MACROD2: variants seen among roughly 807,000 people sequenced by gnomAD.
The protein encoded by MACROD2 is ADP-ribose glycohydrolase MACROD2.
Under a neutral mutation model 70.4 loss-of-function variants are expected in MACROD2, and 36 were observed. The observed-to-expected ratio is 0.51, with a 90% CI of 0.39 to 0.68. The LOEUF (loss-of-function observed/expected upper bound fraction) is 0.68. Ranked by LOEUF, MACROD2 falls within the 30% of genes least tolerant of loss-of-function variation. The probability of loss-of-function intolerance (pLI) is 0.00; values close to 1 mark genes in which losing one functional copy is unlikely to be tolerated. For synonymous variants in MACROD2, 172 were observed against 178.8 expected (o/e 0.96, Z 0.30); for missense variants, 496 against 538.4 (o/e 0.92, Z 0.78).
At chr20:14,598,120 A>C (rs1252993450) in intron 4 of MACROD2, among the ~76,000 whole-genome samples, 5 of 152,136 alleles carry the variant, frequency 3.3e-5, no homozygotes, top group Non-Finnish European at 5.9e-5. Flanking sequence ...AAACATATGG[A>C]CATTCCCAGA....
Position 14,575,017 on chromosome 20 carries a change from C to CAAAAAAAAAAAAAAAAAAAAAAAAA in MACROD2, c.301+81510_301+81534dup, listed in dbSNP as rs1195216470. 1.6e-4 allele frequency among the ~76,000 whole-genome samples: 8 copies of CAAAAAAAAAAAAAAAAAAAAAAAAA among 49,944 alleles called. 1 individual carries two copies. Among genetic ancestry groups the CAAAAAAAAAAAAAAAAAAAAAAAAA allele is most frequent in the African/African-American group, 4.4e-4 (6 of 13,750 alleles). 32.8% of individuals were successfully genotyped at this position (49,944 alleles called of 152,430 possible). ...TGGGCGACAGAGCGAGACTCTGTCT[C>CAAAAAAAAAAAAAAAAAAAAAAAAA]AAAAAAAAAAAAAAAAAAAAAAAAA... On this transcript the variant is annotated intron_variant, in intron 4 of 17. Transcript: ENST00000684519.
intron 5 of MACROD2, among the ~76,000 whole-genome samples, chr20:15,197,591 C>A (rs1486424459): frequency 2.0e-5 from 3 of 152,222 alleles, no homozygotes; most frequent in Non-Finnish European, 2.9e-5. Flanking sequence ...TAATGCTTAT[C>A]ACTTTTTTTA....
At chr20:15,363,114 G>A (rs915936499) in intron 6 of MACROD2, among the ~76,000 whole-genome samples, 26 of 152,248 alleles carry the variant, frequency 1.7e-4, no homozygotes, top group African/African-American at 4.3e-4. Flanking sequence ...TTATTCCTTC[G>A]TTTGTTTGTT....
At chr20:15,951,765 A>G (rs1294050796) in intron 12 of MACROD2, among the ~76,000 whole-genome samples, 1 of 152,194 alleles carries the variant, frequency 6.6e-6, no homozygotes, top group African/African-American at 2.4e-5. Context: ...ATAAAGATCT[A>G]TGGTTTTCAA....
intron 8 of MACROD2, among the ~76,000 whole-genome samples, chr20:15,597,861 C>G (rs2048766581): frequency 6.6e-6 from 1 of 152,174 alleles, no homozygotes; most frequent in Non-Finnish European, 1.5e-5. Flanking sequence ...GGTGGATCAC[C>G]TGAGGTCAGG....
At position 15,802,533 on chromosome 20, in the gene MACROD2, AATATCACTTGATCATT is replaced by A. The variant is rs531067491; in HGVS notation, c.646-60211_646-60196del. 8.6e-3 allele frequency among the ~76,000 whole-genome samples: 1,310 copies of A among 152,264 alleles called. 5 individuals carry two copies. Among genetic ancestry groups the A allele is most frequent in the Non-Finnish European group, 0.013 (871 of 68,018 alleles). ...GAACTGTCCTTGCATCCCTGGGATA[AATATCACTTGATCATT>A]GTATATAAAGTTTTCAAATAAACAC... On this transcript the variant is annotated intron_variant, in intron 8 of 17. Transcript: ENST00000684519.
At position 14,036,906 on chromosome 20, in the gene MACROD2, A is replaced by G. The variant is rs567517078; in HGVS notation, c.163+34502A>G. 4.6e-5 allele frequency among the ~76,000 whole-genome samples: 7 copies of G among 152,342 alleles called. No homozygotes were observed. The South Asian group carries it at 1.4e-3, about 32-fold the overall frequency. ...TGATTATTCAGCATTGATTACTTGC[A>G]GTAATTATGGAATTAGTTTTTAATT... On this transcript the variant is annotated intron_variant, in intron 2 of 17. Coordinates refer to ENST00000684519, the MANE Select transcript of MACROD2 (RefSeq NM_001351661.2).
chr20:15,938,908 GA>G (rs1303150104), intron 12 of MACROD2, among the ~76,000 whole-genome samples: 3 of 152,202 alleles, frequency 2.0e-5, no homozygotes, highest in Non-Finnish European at 4.4e-5. Flanking sequence ...CTGATAAGGA[GA>G]AAGTTTTAAT....
chr20:14,555,960 C>T (rs1349010334), intron 4 of MACROD2, among the ~76,000 whole-genome samples: 2 of 151,980 alleles, frequency 1.3e-5, no homozygotes, highest in Non-Finnish European at 2.9e-5. Context: ...TTGAAATATT[C>T]TATTGTGTTC....
At chr20:15,045,511 C>T (rs964194197) in intron 5 of MACROD2, among the ~76,000 whole-genome samples, 2 of 152,114 alleles carry the variant, frequency 1.3e-5, no homozygotes. Flanking sequence ...GCTGTTGAAA[C>T]TATTGTGAAA....
intron 3 of MACROD2, among the ~76,000 whole-genome samples, chr20:14,273,412 T>G (rs974534247): frequency 4.7e-5 from 7 of 148,728 alleles, no homozygotes; most frequent in Non-Finnish European, 5.9e-5. Context: ...CATAACGAAA[T>G]GAAGGCAGAA....
intron 3 of MACROD2, among the ~76,000 whole-genome samples, chr20:14,390,730 A>C (rs1020495951): frequency 6.6e-6 from 1 of 152,228 alleles, no homozygotes; most frequent in Admixed American, 6.5e-5. Flanking sequence ...TACCATATAC[A>C]AAAATTAACT....
intron 4 of MACROD2, among the ~76,000 whole-genome samples, chr20:14,515,567 A>G (rs946636276): frequency 3.9e-5 from 6 of 152,110 alleles, no homozygotes; most frequent in Middle Eastern, 3.4e-3. Context: ...ATGGACCTGG[A>G]ACATTATGAC....
intron 6 of MACROD2, among the ~76,000 whole-genome samples, chr20:15,330,975 T>A (rs574984158): frequency 6.6e-6 from 1 of 151,664 alleles, no homozygotes; most frequent in South Asian, 2.1e-4. Context: ...GCTGTCGTTA[T>A]TTTTTTCTTT....
intron 8 of MACROD2, among the ~76,000 whole-genome samples, chr20:15,710,684 C>T (rs1405537234): frequency 6.6e-6 from 1 of 152,166 alleles, no homozygotes; most frequent in Non-Finnish European, 1.5e-5. Context: ...ACACACAAAA[C>T]ATTTTTTTTG....
At chr20:15,805,735 CA>C (rs747804728) in intron 8 of MACROD2, among the ~76,000 whole-genome samples, 1 of 152,150 alleles carries the variant, frequency 6.6e-6, no homozygotes, top group Non-Finnish European at 1.5e-5. Context: ...CTCGGCCTCC[CA>C]GAGTGCTGGG....
intron 12 of MACROD2, among the ~76,000 whole-genome samples, chr20:15,948,120 C>T (rs971603295): frequency 4.6e-5 from 7 of 152,104 alleles, no homozygotes; most frequent in African/African-American, 1.7e-4. Flanking sequence ...ACTAAGAATC[C>T]CTAAGCCTAG....
chr20:14,857,267 A>C (rs897296036), intron 5 of MACROD2, among the ~76,000 whole-genome samples: 1 of 152,134 alleles, frequency 6.6e-6, no homozygotes, highest in African/African-American at 2.4e-5. Context: ...GCTCCCACTT[A>C]TATCTCCTGC....
At position 14,326,332 on chromosome 20, in the gene MACROD2, T is replaced by C. The variant is rs2058383223; in HGVS notation, c.272-167147T>C. The C allele has an allele frequency of 6.2e-7, 1 of 1,613,920 alleles. No homozygotes were observed. ...GTGATCCTTAGTGAGCTTGGGGTTC[T>C]TAATATCTGGCTGTTTGGTCACTGG... On this transcript the variant is annotated intron_variant, in intron 3 of 17. Coordinates refer to ENST00000684519, the MANE Select transcript of MACROD2 (RefSeq NM_001351661.2). This position sits in a 1 kb window ranked among gnomAD's most constrained non-coding sequence, Gnocchi z 5.5.
Sources: allele counts gnomAD v4.1 joint callset (sites outside exome capture counted in the v4.1 genomes callset), GRCh38; gene constraint gnomAD v4.1.1; non-coding constraint Gnocchi (gnomAD v3.1); transcripts MANE v1.5; gene names NCBI Gene and HGNC (gene_info 2026-07-23, HGNC 2026-07-21).